AUTS2: variants seen among roughly 807,000 people sequenced by gnomAD.
AUTS2 encodes autism susceptibility gene 2 protein.
A neutral mutation model predicts 112.4 loss-of-function variants in AUTS2; 17 were observed. The observed-to-expected ratio is 0.15, with a 90% confidence interval of 0.10 to 0.23. The LOEUF (loss-of-function observed/expected upper bound fraction) is 0.23, where lower values mean the gene tolerates loss of function less well. AUTS2 is among the 10% of genes least tolerant of loss of function. AUTS2 has a pLI of 1.00. For synonymous variants in AUTS2, 751 were observed against 702.7 expected (o/e 1.07, Z -1.09); for missense variants, 1,510 against 1,701.6 (o/e 0.89, Z 1.98).
intron 5 of AUTS2, among the ~76,000 whole-genome samples, chr7:70,552,147 AGT>A (rs1801041230): frequency 6.6e-6 from 1 of 152,162 alleles, no homozygotes; most frequent in Non-Finnish European, 1.5e-5. Flanking sequence ...CAAGAGAAAA[AGT>A]GAATTCTAAA....
intron 5 of AUTS2, among the ~76,000 whole-genome samples, chr7:70,598,654 G>A (rs1358620425): frequency 6.6e-6 from 1 of 152,184 alleles, no homozygotes; most frequent in Non-Finnish European, 1.5e-5. Context: ...TGTTGCCCAA[G>A]GCTACCCTAA....
intron 1 of AUTS2, among the ~76,000 whole-genome samples, chr7:69,710,443 G>A (rs1798264422): frequency 6.6e-6 from 1 of 152,186 alleles, no homozygotes; most frequent in Non-Finnish European, 1.5e-5. Context: ...GCAGTAGACT[G>A]GCTTCCACCT....
At chr7:70,023,496 C>T (rs1352333343) in intron 2 of AUTS2, among the ~76,000 whole-genome samples, 1 of 152,054 alleles carries the variant, frequency 6.6e-6, no homozygotes, top group African/African-American at 2.4e-5. Flanking sequence ...AGTCTGTCTC[C>T]CAGGTGACTC....
chr7:70,449,613 T>C (rs1410406940), intron 5 of AUTS2, among the ~76,000 whole-genome samples: 1 of 152,214 alleles, frequency 6.6e-6, no homozygotes, highest in African/African-American at 2.4e-5. Flanking sequence ...CATAAATTCT[T>C]GACAGCCATA....
intron 1 of AUTS2, among the ~76,000 whole-genome samples, chr7:69,623,457 C>A (rs1430563429): frequency 7.5e-6 from 1 of 134,084 alleles, no homozygotes; most frequent in Non-Finnish European, 1.5e-5. Flanking sequence ...GTCTTGAACT[C>A]CTGGGCTCAA....
chr7:69,844,244 A>T (rs1030029614), intron 1 of AUTS2, among the ~76,000 whole-genome samples: 1 of 152,322 alleles, frequency 6.6e-6, no homozygotes, highest in Admixed American at 6.5e-5. Flanking sequence ...TTTAAATGAA[A>T]TAAGCCTTTC....
At chr7:70,106,180 T>C (rs1804757431) in intron 2 of AUTS2, among the ~76,000 whole-genome samples, 1 of 152,212 alleles carries the variant, frequency 6.6e-6, no homozygotes, top group Non-Finnish European at 1.5e-5. Context: ...AGTCACTTGC[T>C]ACATGAAAGT....
At chr7:69,899,242 C>A (rs757886710) in intron 1 of AUTS2, 44 bp from the exon 2 acceptor site, 1 of 1,479,228 alleles carries the variant, frequency 6.8e-7, no homozygotes, top group Non-Finnish European at 9.5e-7. Flanking sequence ...ACCCTAGATA[C>A]CTTTGTAACC....
chr7:70,389,914 G>A (rs1161890151), intron 4 of AUTS2, among the ~76,000 whole-genome samples: 1 of 152,182 alleles, frequency 6.6e-6, no homozygotes, highest in Non-Finnish European at 1.5e-5. Context: ...TTCACTGCCT[G>A]CAAATGAAGA....
intron 1 of AUTS2, among the ~76,000 whole-genome samples, chr7:69,837,293 A>G (rs1791769698): frequency 6.6e-6 from 1 of 152,134 alleles, no homozygotes; most frequent in Admixed American, 6.5e-5. Context: ...CTAGTCCTTT[A>G]TTTCTTACAA....
intron 5 of AUTS2, among the ~76,000 whole-genome samples, chr7:70,649,537 TTTA>T (rs1806375212): frequency 6.6e-6 from 1 of 151,322 alleles, no homozygotes; most frequent in African/African-American, 2.4e-5. Context: ...TATTTATTTA[TTTA>T]TTTTTTGAGA....
chr7:70,533,274 C>T (rs975855534), intron 5 of AUTS2, among the ~76,000 whole-genome samples: 1 of 152,148 alleles, frequency 6.6e-6, no homozygotes, highest in Non-Finnish European at 1.5e-5. Flanking sequence ...GACCACCATG[C>T]CCAGCTACTT....
intron 2 of AUTS2, among the ~76,000 whole-genome samples, chr7:69,959,028 A>G (rs939099571): frequency 3.3e-5 from 5 of 152,164 alleles, no homozygotes; most frequent in Admixed American, 6.6e-5. Flanking sequence ...CTGGTCTCCT[A>G]TTAGTAATCA....
intron 2 of AUTS2, among the ~76,000 whole-genome samples, chr7:69,940,983 G>A (rs190721718): frequency 2.6e-5 from 4 of 152,308 alleles, no homozygotes; most frequent in Admixed American, 2.6e-4. Flanking sequence ...GAAGGATCCT[G>A]CAAGAGAACA....
At chr7:70,363,208 C>G (rs1212971683) in intron 4 of AUTS2, among the ~76,000 whole-genome samples, 3 of 152,300 alleles carry the variant, frequency 2.0e-5, no homozygotes, top group Middle Eastern at 3.4e-3. Flanking sequence ...TCACCAGTCT[C>G]TAATGGTTGG....
intron 1 of AUTS2, among the ~76,000 whole-genome samples, chr7:69,614,636 C>G (rs1193557304): frequency 6.6e-6 from 1 of 151,978 alleles, no homozygotes; most frequent in Non-Finnish European, 1.5e-5. Context: ...AGGTGTGAAC[C>G]ACTACCCCTG....
intron 1 of AUTS2, among the ~76,000 whole-genome samples, chr7:69,865,526 T>C (rs1245094293): frequency 1.3e-5 from 2 of 152,168 alleles, no homozygotes; most frequent in Admixed American, 6.5e-5. Context: ...GTTCAAGGAC[T>C]CTTCCTTATT....
intron 1 of AUTS2, among the ~76,000 whole-genome samples, chr7:69,840,811 TG>T (rs1791945220): frequency 6.6e-6 from 1 of 152,204 alleles, no homozygotes; most frequent in Non-Finnish European, 1.5e-5. Flanking sequence ...CTTTCATGAT[TG>T]GTAAGAGAAA....
intron 2 of AUTS2, among the ~76,000 whole-genome samples, chr7:70,025,797 A>G (rs1414590582): frequency 8.5e-6 from 1 of 117,896 alleles, no homozygotes; most frequent in Non-Finnish European, 1.7e-5. Context: ...TTTTTTTTTA[A>G]TAGGATGCTG....
Sources: allele counts gnomAD v4.1 joint callset (sites outside exome capture counted in the v4.1 genomes callset), GRCh38; gene constraint gnomAD v4.1.1; transcripts MANE v1.5; gene names NCBI Gene and HGNC (gene_info 2026-07-23, HGNC 2026-07-21).